Variants in ADAMTS14 observed in about 807,000 individuals in gnomAD.
ADAMTS14 encodes the protein ADAM metallopeptidase with thrombospondin type 1 motif 14, also known as A disintegrin and metalloproteinase with thrombospondin motifs 14.
A neutral mutation model predicts 128.6 loss-of-function variants in ADAMTS14; 100 were observed. The observed-to-expected ratio is 0.78, with a 90% CI of 0.66 to 0.92. ADAMTS14 has a LOEUF of 0.92. Among genes scored for constraint, ADAMTS14 ranks in the 40% least tolerant of loss-of-function variants. ADAMTS14 has a pLI of 0.00. For synonymous variants in ADAMTS14, 665 were observed against 653.8 expected, an observed-to-expected ratio of 1.02 and a Z score of -0.26; for missense variants, 1,562 against 1,658.6, an observed-to-expected ratio of 0.94 and a Z score of 1.01.
At chr10:70,733,775 C>T in intron 7 of ADAMTS14, 110 bp from the exon 8 acceptor site, 2 of 1,382,016 alleles carry the variant, frequency 1.4e-6, no homozygotes, top group African/African-American at 2.9e-5. Context: ...GAAGAGCGAT[C>T]TGAGCTCCGG....
At chr10:70,701,497 G>A (rs1291854464) in intron 2 of ADAMTS14, among the ~76,000 whole-genome samples, 1 of 152,226 alleles carries the variant, frequency 6.6e-6, no homozygotes, top group Non-Finnish European at 1.5e-5. Context: ...GTGTGTGCGT[G>A]TGTGTGTATG....
intron 2 of ADAMTS14, among the ~76,000 whole-genome samples, chr10:70,682,819 G>A (rs1402437386): frequency 2.6e-5 from 4 of 152,124 alleles, no homozygotes; most frequent in Non-Finnish European, 4.4e-5. Flanking sequence ...TAGTTTTCTC[G>A]GGGTGCACCT....
chr10:70,752,230 G>C lies in ADAMTS14; in HGVS notation c.2729+3G>C, dbSNP rs535762023. On this transcript the variant is annotated splice_donor_region_variant and intron_variant, in intron 18 of 21. Transcript: ENST00000373207. ...CAGCACCCGTGCTCTCAGCCTGTGT[G>C]AGTGCTCCCAGGGAGGGACGGGGAG... The C allele has an allele frequency of 1.5e-5, 24 of 1,613,494 alleles. No homozygotes were observed. The highest frequency in any genetic ancestry group is 1.9e-5 in the Non-Finnish European group (23 of 1,179,842).
chr10:70,743,294 A>C (rs1051159887), intron 12 of ADAMTS14, among the ~76,000 whole-genome samples: 1 of 152,240 alleles, frequency 6.6e-6, no homozygotes, highest in Non-Finnish European at 1.5e-5. Flanking sequence ...TTTCTCAATA[A>C]GCCGATGTGG....
At chr10:70,685,954 A>G (rs1287841963) in intron 2 of ADAMTS14, among the ~76,000 whole-genome samples, 2 of 152,132 alleles carry the variant, frequency 1.3e-5, no homozygotes, top group South Asian at 2.1e-4. Context: ...ACAGATGTCA[A>G]TGGCCCAGTT....
chr10:70,725,424 T>A (rs10999487), intron 4 of ADAMTS14, among the ~76,000 whole-genome samples: 23,444 of 152,242 alleles, frequency 0.15, 2,176 homozygotes, highest in Non-Finnish European at 0.22. Context: ...CAAAATATCC[T>A]GTGAGTAGCA....
At chr10:70,689,798 C>T (rs1449980221) in intron 2 of ADAMTS14, among the ~76,000 whole-genome samples, 3 of 145,294 alleles carry the variant, frequency 2.1e-5, no homozygotes, top group African/African-American at 2.4e-5. Context: ...GGGCCGCCAT[C>T]GCTCCTCCTC....
intron 4 of ADAMTS14, among the ~76,000 whole-genome samples, chr10:70,727,823 C>T (rs907591504): frequency 4.0e-4 from 61 of 152,324 alleles, no homozygotes; most frequent in South Asian, 8.3e-4. Context: ...CGGCCGGGCG[C>T]GGTGGCTCAC....
intron 10 of ADAMTS14, among the ~76,000 whole-genome samples, chr10:70,737,566 C>T (rs1841866207): frequency 6.6e-6 from 1 of 152,184 alleles, no homozygotes; most frequent in African/African-American, 2.4e-5. Flanking sequence ...CCAGCCTGCC[C>T]CCTGCCTCCT....
chr10:70,712,480 GA>G (rs1200870944), intron 4 of ADAMTS14, among the ~76,000 whole-genome samples: 1 of 152,250 alleles, frequency 6.6e-6, no homozygotes, highest in African/African-American at 2.4e-5. Context: ...CCACATTAAT[GA>G]GGGAACCAGG....
intron 2 of ADAMTS14, 43 bp from the exon 3 acceptor site, chr10:70,702,269 C>G: frequency 1.2e-6 from 2 of 1,613,044 alleles, no homozygotes; most frequent in South Asian, 1.1e-5. Context: ...GTGTTCATGC[C>G]TCTTATTTCT....
In ADAMTS14 at chr10:70,732,265, G is replaced by A. The variant is rs372189878; in HGVS notation, c.1114G>A (p.Val372Ile). 249 of 1,613,976 alleles carry A rather than the reference G, an allele frequency of 1.5e-4. No individual in the cohort carries two copies. The East Asian group carries it at 4.5e-3, about 29-fold the overall frequency. ...TCTCTCTTCGGCAGGGTATGCACCCGTCACTGGCATGTGTCACCCCCTGAG... is the reference window on the plus strand; with the variant it reads ...TCTCTCTTCGGCAGGGTATGCACCCATCACTGGCATGTGTCACCCCCTGAG... ...QDFGPSGYAP[V>I]TGMCHPLRSC... The change falls in exon 7 of 22, where the codon GTC (valine) becomes ATC (isoleucine). Residue 372 changes from valine (V) to isoleucine (I), a missense_variant. Transcript: ENST00000373207.
At chr10:70,719,901 G>A (rs1441818176) in intron 4 of ADAMTS14, among the ~76,000 whole-genome samples, 1 of 152,224 alleles carries the variant, frequency 6.6e-6, no homozygotes, top group Non-Finnish European at 1.5e-5. Flanking sequence ...GGCAGAGCTC[G>A]ACCTTCACAG....
intron 4 of ADAMTS14, among the ~76,000 whole-genome samples, chr10:70,728,682 A>T (rs923726450): frequency 5.9e-5 from 9 of 152,184 alleles, no homozygotes; most frequent in African/African-American, 2.2e-4. Flanking sequence ...TGCTCTTCAA[A>T]CTTGCCTATG....
chr10:70,752,705 G>C (rs939185834), intron 18 of ADAMTS14, among the ~76,000 whole-genome samples: 4 of 152,184 alleles, frequency 2.6e-5, no homozygotes, highest in African/African-American at 9.6e-5. Flanking sequence ...GCTGGTAGCA[G>C]CCACAGAGGG....
chr10:70,719,862 A>G (rs891424011), intron 4 of ADAMTS14, among the ~76,000 whole-genome samples: 14 of 152,368 alleles, frequency 9.2e-5, no homozygotes, highest in Admixed American at 9.1e-4. Context: ...TCGAGCTCCA[A>G]GAGGTAAGAC....
intron 3 of ADAMTS14, among the ~76,000 whole-genome samples, chr10:70,706,105 C>T (rs536098047): frequency 7.6e-4 from 115 of 152,212 alleles, no homozygotes; most frequent in Middle Eastern, 3.4e-3. Context: ...GTTGTCTGCT[C>T]CTGTCATCCT....
rs372976485 is a variant in ADAMTS14 at position 70,761,752 on chromosome 10, C to T, written c.*899C>T. The T allele has an allele frequency of 6.6e-6, 1 of 152,252 alleles. No individual in the cohort carries two copies. The highest frequency in any genetic ancestry group is 1.9e-4 in the East Asian group (1 of 5,192). 9.4% of individuals were successfully genotyped at this position (152,252 alleles called of 1,614,324 possible). A position where few individuals can be genotyped will look rare whatever the true frequency, so the allele number is the denominator to read the frequency against. On this transcript the variant is annotated 3_prime_UTR_variant, in exon 22 of 22. Coordinates refer to ENST00000373207, the MANE Select transcript of ADAMTS14 (RefSeq NM_080722.4). The stretch of plus-strand genomic sequence containing the variant: ...GGGACACAGAGGGAACACGATTTCT[C>T]AGGCTGTCCCTTCAATCATTGCCCT...
chr10:70,690,782 G>A (rs757964753), intron 2 of ADAMTS14, among the ~76,000 whole-genome samples: 1 of 145,078 alleles, frequency 6.9e-6, no homozygotes. Context: ...GAGTGGCAGC[G>A]TTCAAACTGC....
Sources: gnomAD v4.1 joint callset for allele counts (sites outside exome capture counted in the v4.1 genomes callset) on GRCh38, gnomAD v4.1.1 for gene constraint, MANE v1.5 for transcripts, NCBI Gene and HGNC (gene_info 2026-07-23, HGNC 2026-07-21) for gene names.